Variants in FGF13 observed in about 807,000 individuals in gnomAD.
The protein encoded by FGF13 is fibroblast growth factor homologous factor 2.
FGF13 carries 2 observed loss-of-function variants against 19.5 expected under a neutral mutation model. The ratio of observed to expected loss-of-function variants is 0.10; its 90% confidence interval spans 0.04 to 0.32. The LOEUF (loss-of-function observed/expected upper bound fraction) is 0.32, where lower values mean the gene tolerates loss of function less well. Ranked by LOEUF, FGF13 falls within the 10% of genes least tolerant of loss-of-function variation. The pLI, the probability that FGF13 is intolerant of heterozygous loss-of-function variation, is 1.00. For missense variants in FGF13, 113 were observed against 192.7 expected (o/e 0.59, Z 2.45); for synonymous variants, 72 against 76.9 (o/e 0.94, Z 0.33).
rs966802925 is a variant in FGF13, at chrX:139,071,832, A to T, written c.-113+131584T>A. Among the ~76,000 whole-genome samples, 5 of 108,683 alleles carry T rather than the reference A, an allele frequency of 4.6e-5. No homozygotes were observed. In the Admixed American group the frequency reaches 5.0e-4, roughly 11 times the overall value. The allele number at this position is 108,683 out of a possible 115,157, so 94.4% of individuals were successfully genotyped here. On this transcript the variant is annotated intron_variant, in intron 1 of 2. Transcript: ENST00000421460. Reference sequence around the variant, plus strand: ...AGAGATCAAGACCATCCTGGCCAACATGGTGAAACCCCATCTCTACTAAAA... The same window carrying T: ...AGAGATCAAGACCATCCTGGCCAACTTGGTGAAACCCCATCTCTACTAAAA...
chrX:138,803,009 C>T (rs1313910663), intron 3 of FGF13, among the ~76,000 whole-genome samples: 2 of 111,756 alleles, frequency 1.8e-5, no homozygotes, highest in Non-Finnish European at 3.8e-5. Flanking sequence ...ACCTCAGACT[C>T]ATTGTTTTTT....
chrX:138,997,089 CCTGA>C (rs762749382), intron 1 of FGF13, among the ~76,000 whole-genome samples: 3 of 112,014 alleles, frequency 2.7e-5, no homozygotes, highest in Non-Finnish European at 5.6e-5. Flanking sequence ...AGCTGAGGAG[CCTGA>C]CTGTTAGAAG....
At chrX:138,755,721 C>A (rs1602791221) in intron 3 of FGF13, among the ~76,000 whole-genome samples, 1 of 112,200 alleles carries the variant, frequency 8.9e-6, no homozygotes, top group East Asian at 2.8e-4. Flanking sequence ...GACAAGAACT[C>A]CAAGCTTCTT....
intron 1 of FGF13, among the ~76,000 whole-genome samples, chrX:139,098,529 C>T (rs12848774): frequency 9.0e-6 from 1 of 111,443 alleles, no homozygotes; most frequent in South Asian, 3.8e-4. Flanking sequence ...GGTACATATA[C>T]ACCATGGAAT....
intron 1 of FGF13, among the ~76,000 whole-genome samples, chrX:138,874,202 T>A (rs2124169771): frequency 9.5e-6 from 1 of 105,446 alleles, no homozygotes; most frequent in East Asian, 3.0e-4. Context: ...AAAAAAACCA[T>A]TTCCCAATTC....
intron 1 of FGF13, among the ~76,000 whole-genome samples, chrX:138,953,893 AAAAT>A (rs1030738487): frequency 1.8e-5 from 2 of 111,193 alleles, no homozygotes; most frequent in African/African-American, 6.5e-5. Flanking sequence ...TGGTAAAAAA[AAAAT>A]AAATAAACAT....
intron 3 of FGF13, among the ~76,000 whole-genome samples, chrX:138,801,930 C>G (rs922468778): frequency 9.0e-6 from 1 of 111,575 alleles, no homozygotes; most frequent in African/African-American, 3.3e-5. Flanking sequence ...TGCCCCTCCC[C>G]CTACCAAGCT....
chrX:138,984,588 A>AAGAAGAAGAAGAAGAAGG (rs2091982501), intron 1 of FGF13, among the ~76,000 whole-genome samples: 10 of 11,513 alleles, frequency 8.7e-4, no homozygotes, highest in African/African-American at 1.1e-3. Context: ...GAAGAAGAAG[A>AAGAAGAAGAAGAAGAAGG]AGGAGGAGGA....
chrX:138,924,546 T>C (rs911180743), intron 1 of FGF13, among the ~76,000 whole-genome samples: 1 of 112,102 alleles, frequency 8.9e-6, no homozygotes, highest in Non-Finnish European at 1.9e-5. Context: ...AAGGTAATTT[T>C]AGATGGTGAC....
intron 1 of FGF13, among the ~76,000 whole-genome samples, chrX:139,198,890 CCA>C (rs2084394653): frequency 9.0e-6 from 1 of 111,728 alleles, no homozygotes; most frequent in Non-Finnish European, 1.9e-5. Flanking sequence ...ACCGGGAAAC[CCA>C]CACTCTTAGG....
chrX:138,932,703 A>AGTGT (rs57793547), intron 1 of FGF13, among the ~76,000 whole-genome samples: 6,011 of 90,112 alleles, frequency 0.067, 191 homozygotes, highest in African/African-American at 0.1. Flanking sequence ...TCAGGAGTGT[A>AGTGT]GTGTGTGTGT....
chrX:138,871,962 C>A (rs948588430), intron 1 of FGF13, among the ~76,000 whole-genome samples: 1 of 111,704 alleles, frequency 9.0e-6, no homozygotes, highest in East Asian at 2.8e-4. Flanking sequence ...CTTATGTGTT[C>A]AAAGGCTCAC....
intron 1 of FGF13, among the ~76,000 whole-genome samples, chrX:139,190,772 A>T (rs1050224789): frequency 3.6e-5 from 4 of 112,135 alleles, no homozygotes; most frequent in Non-Finnish European, 5.6e-5. Context: ...AAACATATTT[A>T]AAATAATTAA....
At chrX:139,093,456 C>A (rs771048945) in intron 1 of FGF13, among the ~76,000 whole-genome samples, 1 of 112,261 alleles carries the variant, frequency 8.9e-6, no homozygotes, top group Admixed American at 9.4e-5. Context: ...AAGCAAGCGA[C>A]AGATGGAACT....
chrX:138,693,697 A>G (rs1236222092), intron 3 of FGF13, among the ~76,000 whole-genome samples: 2 of 111,954 alleles, frequency 1.8e-5, no homozygotes, highest in African/African-American at 3.2e-5. Context: ...AAATTCAACA[A>G]TTTGTTAATT....
intron 1 of FGF13, among the ~76,000 whole-genome samples, chrX:138,709,532 C>A (rs1212798854): frequency 8.9e-6 from 1 of 111,845 alleles, no homozygotes; most frequent in East Asian, 2.8e-4. Flanking sequence ...TATTAATTAT[C>A]ATTAGTGAAA....
chrX:139,149,015 T>C (rs1339949681), intron 1 of FGF13, among the ~76,000 whole-genome samples: 1 of 111,712 alleles, frequency 9.0e-6, no homozygotes, highest in Non-Finnish European at 1.9e-5. Context: ...GCTCAAAACA[T>C]CATTACTTCT....
chrX:139,000,016 C>T (rs760675693), intron 1 of FGF13, among the ~76,000 whole-genome samples: 1 of 111,985 alleles, frequency 8.9e-6, no homozygotes, highest in Non-Finnish European at 1.9e-5. Flanking sequence ...TCCTGGGATG[C>T]AAGGCTGGTT....
intron 1 of FGF13, among the ~76,000 whole-genome samples, chrX:139,042,000 C>T (rs1350052516): frequency 1.8e-5 from 2 of 112,334 alleles, no homozygotes; most frequent in Non-Finnish European, 3.8e-5. Flanking sequence ...AGAAAGTAGT[C>T]TGAACATTCA....
Sources: gnomAD v4.1 joint callset for allele counts (sites outside exome capture counted in the v4.1 genomes callset) on GRCh38, gnomAD v4.1.1 for gene constraint, MANE v1.5 for transcripts, NCBI Gene and HGNC (gene_info 2026-07-23, HGNC 2026-07-21) for gene names.